Variants in BMP2K observed in about 807,000 individuals in gnomAD.
BMP2K encodes the protein BMP-2-inducible protein kinase.
In BMP2K, 74 loss-of-function variants were observed where a neutral mutation model predicts 116.0. The observed-to-expected ratio is 0.64, with a 90% CI of 0.53 to 0.77. The LOEUF (loss-of-function observed/expected upper bound fraction) is 0.77, where lower values mean the gene tolerates loss of function less well. Among genes scored for constraint, BMP2K ranks in the 30% least tolerant of loss-of-function variants. BMP2K has a pLI of 0.00. For missense variants in BMP2K, 1,365 were observed against 1,403.6 expected, an observed-to-expected ratio of 0.97 and a Z score of 0.44; for synonymous variants, 486 against 502.5, an observed-to-expected ratio of 0.97 and a Z score of 0.44.
In BMP2K at chr4:78,912,788, C is replaced by T. The variant is rs549784093; in HGVS notation, c.*755C>T. 21 of 151,240 alleles carry T rather than the reference C, an allele frequency of 1.4e-4. No homozygotes were observed. Among genetic ancestry groups the T allele is most frequent in the Non-Finnish European group, 2.9e-4 (20 of 67,860 alleles). The allele number at this position is 151,240 out of a possible 1,614,324, so 9.4% of individuals were successfully genotyped here. On this transcript the variant is annotated 3_prime_UTR_variant, in exon 16 of 16. Coordinates refer to ENST00000502613, the MANE Select transcript of BMP2K (RefSeq NM_198892.2). ...ACAAATTAAAAAAATGGACTATCGT[C>T]GCACAGAAGCCTAGAACAAAAATAT...
intron 1 of BMP2K, among the ~76,000 whole-genome samples, chr4:78,818,790 G>GTTT (rs373252130): frequency 9.3e-5 from 12 of 129,424 alleles, no homozygotes; most frequent in Admixed American, 1.6e-4. Flanking sequence ...ATGAAGCAGT[G>GTTT]TTTTTTTTTT....
In BMP2K at chr4:78,887,288, A is replaced by G. The variant is rs1056546774; in HGVS notation, c.2062+4A>G. Reference sequence around the variant, plus strand: ...GTTCCTTTCATTTCTCATTCAGGCAAGTTACACATGTAACATCATCACTGT... The same window carrying G: ...GTTCCTTTCATTTCTCATTCAGGCAGGTTACACATGTAACATCATCACTGT... On this transcript the variant is annotated splice_donor_region_variant and intron_variant, in intron 15 of 15. Transcript: ENST00000502613. 1 of 1,584,276 alleles carries G rather than the reference A, an allele frequency of 6.3e-7. No homozygotes were observed. Among genetic ancestry groups the G allele is most frequent in the Non-Finnish European group, 8.6e-7 (1 of 1,157,770 alleles).
At chr4:78,824,505 A>T (rs1309971479) in intron 1 of BMP2K, among the ~76,000 whole-genome samples, 1 of 152,204 alleles carries the variant, frequency 6.6e-6, no homozygotes, top group Non-Finnish European at 1.5e-5. Flanking sequence ...CTACCACAAG[A>T]ACAGTCTGAG....
chr4:78,901,407 C>G (rs1337744097), intron 15 of BMP2K, among the ~76,000 whole-genome samples: 1 of 152,014 alleles, frequency 6.6e-6, no homozygotes, highest in Non-Finnish European at 1.5e-5. Flanking sequence ...ATACTGGCTA[C>G]TTGATAAGAA....
chr4:78,794,665 C>T lies in BMP2K; in HGVS notation c.178+17944C>T, dbSNP rs536183550. Among the ~76,000 whole-genome samples, 5 of 152,184 alleles carry T rather than the reference C, an allele frequency of 3.3e-5. No homozygotes were observed. The South Asian group carries it at 6.2e-4, about 19-fold the overall frequency. On this transcript the variant is annotated intron_variant, in intron 1 of 15. Coordinates refer to ENST00000502613, the MANE Select transcript of BMP2K (RefSeq NM_198892.2). The stretch of plus-strand genomic sequence containing the variant: ...GCAGCTTTGACCTCCCGGGCTCAAG[C>T]GATCTTCCCACCTCTGCTTCCTGAG...
intron 1 of BMP2K, among the ~76,000 whole-genome samples, chr4:78,788,895 GTTTTTTTTTTT>G: frequency 9.3e-6 from 1 of 107,340 alleles, no homozygotes; most frequent in East Asian, 2.6e-4. Flanking sequence ...AATAGTGGCT[GTTTTTTTTTTT>G]TTTTTTTTTA....
chr4:78,823,611 G>T (rs1441464138), intron 1 of BMP2K, among the ~76,000 whole-genome samples: 1 of 146,826 alleles, frequency 6.8e-6, no homozygotes, highest in African/African-American at 2.5e-5. Flanking sequence ...TATATATATA[G>T]GTGTATATAT....
chr4:78,870,631 T>C, intron 10 of BMP2K, 152 bp from the exon 11 acceptor site: 1 of 1,060,664 alleles, frequency 9.4e-7, no homozygotes. Flanking sequence ...TTAAAGTAAA[T>C]CCCTATAAAC....
At chr4:78,789,336 T>C (rs184857170) in intron 1 of BMP2K, among the ~76,000 whole-genome samples, 6 of 152,332 alleles carry the variant, frequency 3.9e-5, no homozygotes, top group Admixed American at 3.9e-4. Flanking sequence ...TTTATTTTTA[T>C]TTTTCATTTT....
intron 3 of BMP2K, among the ~76,000 whole-genome samples, chr4:78,842,050 T>G (rs1311002068): frequency 6.6e-6 from 1 of 152,098 alleles, no homozygotes; most frequent in East Asian, 1.9e-4. Context: ...CTTATTTTTG[T>G]TCACCACTGT....
In BMP2K at chr4:78,910,840, C is replaced by T. The variant is rs1403989656; in HGVS notation, c.2293C>T (p.Leu765Phe). 3 of 1,613,938 alleles carry T rather than the reference C, an allele frequency of 1.9e-6. No individual in the cohort carries two copies. Among genetic ancestry groups the T allele is most frequent in the Non-Finnish European group, 2.5e-6 (3 of 1,179,876 alleles). Residue 765 changes from leucine (L) to phenylalanine (F), a missense_variant, in exon 16 of 16, where the codon CTT (leucine) becomes TTT (phenylalanine). This residue lies in a region of BMP2K where 596 missense variants were observed against 623.2 expected (regional missense o/e 0.96). Transcript: ENST00000502613. The stretch of plus-strand genomic sequence containing the variant: ...GGAAGAGCAAGATGATGAAGAAGTT[C>T]TTCAGGGGGAACAAGGAGATTTTAA... The part of the protein sequence containing the change: ...EEEEQDDEEV[L>F]QGEQGDFNDD...
intron 13 of BMP2K, among the ~76,000 whole-genome samples, chr4:78,877,228 A>C (rs939671851): frequency 6.6e-6 from 1 of 151,892 alleles, no homozygotes; most frequent in Non-Finnish European, 1.5e-5. Context: ...TTTATATAAA[A>C]TTTTTTTCTT....
At position 78,818,798 on chromosome 4, in the gene BMP2K, T is replaced by G. The variant is rs533221264; in HGVS notation, c.179-7239T>G. On this transcript the variant is annotated intron_variant, in intron 1 of 15. Coordinates refer to ENST00000502613, the MANE Select transcript of BMP2K (RefSeq NM_198892.2). ...TCGTAAGATGAAGCAGTGTTTTTTT[T>G]TTTTTTTTTTCTTCCTGAGACAGAG... Among the ~76,000 whole-genome samples, 20 of 151,774 alleles carry G rather than the reference T, an allele frequency of 1.3e-4. No homozygotes were observed. The East Asian group carries it at 3.7e-3, about 28-fold the overall frequency.
At position 78,782,311 on chromosome 4, in the gene BMP2K, C is replaced by G. The variant is rs142935709; in HGVS notation, c.178+5590C>G. On this transcript the variant is annotated intron_variant, in intron 1 of 15. Transcript: ENST00000502613. ...CACCTAGAAACACTAAGGTTGTTAA[C>G]TACTGTTCCTCTGTCATCTCCACTA... Among the ~76,000 whole-genome samples the G allele has an allele frequency of 5.0e-3, 766 of 152,310 alleles. 4 individuals are homozygous for G. The highest frequency in any genetic ancestry group is 0.017 in the African/African-American group (707 of 41,560).
Position 78,826,161 on chromosome 4 carries a change from T to G in BMP2K, c.297+6T>G, listed in dbSNP as rs201488163. The stretch of plus-strand genomic sequence containing the variant: ...AAAGGGAAATTACAATTATGGTAAG[T>G]GAAGGAGTAGTTCTCTTTCAGAAAT... On this transcript the variant is annotated splice_donor_region_variant and intron_variant, in intron 2 of 15. Transcript: ENST00000502613. 9.4e-6 allele frequency: 15 copies of G among 1,591,410 alleles called. No homozygotes were observed. The highest frequency in any genetic ancestry group is 1.7e-4 in the Middle Eastern group (1 of 6,032).
chr4:78,817,726 G>A (rs1021542115), intron 1 of BMP2K, among the ~76,000 whole-genome samples: 12 of 152,126 alleles, frequency 7.9e-5, no homozygotes, highest in African/African-American at 2.9e-4. Context: ...TAGGGGGTCG[G>A]GGGAAAGGGA....
At chr4:78,910,541 T>A in intron 15 of BMP2K, 69 bp from the exon 16 acceptor site, 1 of 1,257,340 alleles carries the variant, frequency 8.0e-7, no homozygotes, top group Non-Finnish European at 1.1e-6. Context: ...GTAATACATA[T>A]TAACATTTAG....
intron 14 of BMP2K, among the ~76,000 whole-genome samples, chr4:78,883,441 T>G (rs2110070845): frequency 6.6e-6 from 1 of 152,304 alleles, no homozygotes; most frequent in African/African-American, 2.4e-5. Flanking sequence ...ATTGAAAACT[T>G]GATTCTGTGT....
intron 2 of BMP2K, among the ~76,000 whole-genome samples, chr4:78,827,717 A>T (rs1267693266): frequency 6.6e-6 from 1 of 152,146 alleles, no homozygotes. Flanking sequence ...AAAAAACCTC[A>T]AACACAGGGG....
Sources: allele counts gnomAD v4.1 joint callset (sites outside exome capture counted in the v4.1 genomes callset), GRCh38; gene constraint gnomAD v4.1.1; regional missense constraint gnomAD v4.1.1; transcripts MANE v1.5; gene names NCBI Gene and HGNC (gene_info 2026-07-23, HGNC 2026-07-21).